The following DGKI variants were observed in gnomAD, a reference collection of about 807,000 sequenced individuals.
The protein encoded by DGKI is DAG kinase iota.
DGKI carries 55 observed loss-of-function variants against 147.5 expected under a neutral mutation model. The observed-to-expected ratio is 0.37, with a 90% CI of 0.30 to 0.47. The LOEUF (loss-of-function observed/expected upper bound fraction) is 0.47. DGKI is among the 20% of genes least tolerant of loss of function. The pLI, the probability that DGKI is intolerant of heterozygous loss-of-function variation, is 1.00. For synonymous variants in DGKI, 469 were observed against 477.1 expected (o/e 0.98, Z 0.22); for missense variants, 1,007 against 1,323.8 (o/e 0.76, Z 3.71).
chr7:137,645,410 CT>C, intron 6 of DGKI, 61 bp downstream of exon 6: 1 of 1,451,370 alleles, frequency 6.9e-7, no homozygotes, highest in South Asian at 1.2e-5. Flanking sequence ...ACTCATCTAC[CT>C]CAGTTGCTTG....
chr7:137,846,568 C>T lies in DGKI; in HGVS notation c.295G>A (p.Gly99Arg). ...GCGGGCTCGTCCAGGGCAGCGGCCC[C>T]CGCCGCCGCGGCTGACCCTGCGCCC... The part of the protein sequence containing the change: ...PRGAGSAAAA[G>R]AAALDEPAAA... Residue 99 changes from glycine (G) to arginine (R), a missense_variant, in exon 1 of 33, where the codon GGG becomes AGG. Physicochemically the swap from Gly to Arg is moderately radical, Grantham distance 125. Transcript: ENST00000614521. This position sits in a 1 kb window ranked among gnomAD's most constrained non-coding sequence, Gnocchi z 4.0. The T allele has an allele frequency of 7.1e-7, 1 of 1,398,848 alleles. No homozygotes were observed. The highest frequency in any genetic ancestry group is 9.3e-7 in the Non-Finnish European group (1 of 1,072,034). 86.7% of individuals were successfully genotyped at this position (1,398,848 alleles called of 1,614,324 possible). A position where few individuals can be genotyped will look rare whatever the true frequency, so the allele number is the denominator to read the frequency against.
At chr7:137,610,903 C>T (rs944587633) in intron 8 of DGKI, among the ~76,000 whole-genome samples, 25 of 152,168 alleles carry the variant, frequency 1.6e-4, no homozygotes, top group Non-Finnish European at 2.5e-4. Flanking sequence ...GAACTACCAT[C>T]TGTCCCAAGG....
rs1187440403 is a variant in DGKI, at chr7:137,388,261, C to G, written c.*2959G>C. The stretch of plus-strand genomic sequence containing the variant: ...TAACTGTGTTCTATTTTGTTAAATG[C>G]ACAATATTAAAATATAAGCTTGCAA... On this transcript the variant is annotated 3_prime_UTR_variant, in exon 33 of 33. Transcript: ENST00000614521. 6.6e-6 allele frequency: 1 copy of G among 152,114 alleles called. No individual in the cohort carries two copies. Among genetic ancestry groups the G allele is most frequent in the Non-Finnish European group, 1.5e-5 (1 of 68,028 alleles). 9.4% of individuals were successfully genotyped at this position (152,114 alleles called of 1,614,324 possible).
chr7:137,462,520 G>C (rs984838523), intron 27 of DGKI, among the ~76,000 whole-genome samples: 1 of 152,142 alleles, frequency 6.6e-6, no homozygotes, highest in African/African-American at 2.4e-5. Flanking sequence ...GAAATAATTA[G>C]CTCCAAATTT....
chr7:137,482,795 G>A (rs1815416473), intron 23 of DGKI, among the ~76,000 whole-genome samples: 2 of 151,872 alleles, frequency 1.3e-5, no homozygotes, highest in Non-Finnish European at 2.9e-5. Flanking sequence ...GCAAATTCTG[G>A]GCTTCTTGGA....
rs374813410 is a variant in DGKI at position 137,623,476 on chromosome 7, A to G, written c.876+7T>C. On this transcript the variant is annotated splice_region_variant and intron_variant, in intron 7 of 32. Transcript: ENST00000614521. ...GCCCACATTGCTTTATTTCATCCCA[A>G]TCTTACCGCCTGCTTGCACCAGGAA... The G allele has an allele frequency of 6.2e-7, 1 of 1,613,460 alleles. No individual in the cohort carries two copies. Among genetic ancestry groups the G allele is most frequent in the Non-Finnish European group, 8.5e-7 (1 of 1,179,522 alleles).
At chr7:137,435,629 T>A (rs1813251606) in intron 28 of DGKI, among the ~76,000 whole-genome samples, 5 of 151,906 alleles carry the variant, frequency 3.3e-5, no homozygotes, top group Admixed American at 2.6e-4. Context: ...ATAGGAAAAA[T>A]CTGATATGGG....
At chr7:137,629,207 T>C (rs893855185) in intron 6 of DGKI, among the ~76,000 whole-genome samples, 1 of 151,946 alleles carries the variant, frequency 6.6e-6, no homozygotes, top group African/African-American at 2.4e-5. Flanking sequence ...TCTACACAAA[T>C]ACTTCCTATG....
At chr7:137,551,509 A>G (rs547143387) in intron 20 of DGKI, among the ~76,000 whole-genome samples, 2 of 152,304 alleles carry the variant, frequency 1.3e-5, no homozygotes, top group South Asian at 4.1e-4. Flanking sequence ...CCTCACTGTG[A>G]TAGAGAATGA....
At chr7:137,540,756 CCCCCCCA>C (rs1817663973) in intron 20 of DGKI, among the ~76,000 whole-genome samples, 1 of 14,956 alleles carries the variant, frequency 6.7e-5, no homozygotes, top group South Asian at 3.3e-3. Flanking sequence ...ATTTTAAAAA[CCCCCCCA>C]AAAAAAAAAA....
intron 17 of DGKI, among the ~76,000 whole-genome samples, chr7:137,575,093 G>A (rs1818925071): frequency 6.6e-6 from 1 of 152,178 alleles, no homozygotes; most frequent in African/African-American, 2.4e-5. Flanking sequence ...TCAAAGACAT[G>A]TCTTGTTACA....
chr7:137,808,841 C>T (rs566260669), intron 1 of DGKI, among the ~76,000 whole-genome samples: 2 of 152,240 alleles, frequency 1.3e-5, no homozygotes, highest in East Asian at 3.9e-4. Context: ...CTCCAGAAGC[C>T]TGGCGTGGCT....
At chr7:137,782,264 G>A (rs1563195552) in intron 1 of DGKI, among the ~76,000 whole-genome samples, 2 of 152,160 alleles carry the variant, frequency 1.3e-5, no homozygotes, top group Non-Finnish European at 2.9e-5. Context: ...CATGATGAGA[G>A]TGAGACCGGC....
intron 8 of DGKI, among the ~76,000 whole-genome samples, chr7:137,617,124 C>CAAAAAAA (rs60654879): frequency 1.0e-4 from 5 of 48,116 alleles, no homozygotes; most frequent in Non-Finnish European, 1.9e-4. Context: ...TCCCTTTTAC[C>CAAAAAAA]AAAAAAAAAA....
chr7:137,453,411 G>A (rs1243014816), intron 27 of DGKI, among the ~76,000 whole-genome samples: 1 of 152,090 alleles, frequency 6.6e-6, no homozygotes, highest in Non-Finnish European at 1.5e-5. Flanking sequence ...AGGTAAAATA[G>A]GACCAGAAAT....
chr7:137,452,494 T>C (rs977676486), intron 27 of DGKI, among the ~76,000 whole-genome samples: 1 of 152,202 alleles, frequency 6.6e-6, no homozygotes, highest in Non-Finnish European at 1.5e-5. Flanking sequence ...CACCACTCCT[T>C]ATTGTGAAGT....
intron 3 of DGKI, among the ~76,000 whole-genome samples, chr7:137,678,165 C>A (rs976956580): frequency 6.6e-5 from 10 of 152,116 alleles, no homozygotes; most frequent in Admixed American, 6.5e-4. Flanking sequence ...GTAAAGCCCC[C>A]ACTGTGGCCA....
chr7:137,721,869 C>T, intron 1 of DGKI: 1 of 649,960 alleles, frequency 1.5e-6, no homozygotes. Flanking sequence ...CACATGGTTC[C>T]ATTTGCCCAG....
intron 21 of DGKI, among the ~76,000 whole-genome samples, chr7:137,518,869 A>C (rs1816868261): frequency 6.6e-6 from 1 of 152,098 alleles, no homozygotes; most frequent in Admixed American, 6.6e-5. Flanking sequence ...AGCTTTATTA[A>C]GGACCCACTT....
Sources: gnomAD v4.1 joint callset for allele counts (sites outside exome capture counted in the v4.1 genomes callset) on GRCh38, gnomAD v4.1.1 for gene constraint, Gnocchi (gnomAD v3.1) non-coding constraint, MANE v1.5 for transcripts, NCBI Gene and HGNC (gene_info 2026-07-23, HGNC 2026-07-21) for gene names.